The following CTLA4 variants were observed in gnomAD, a reference collection of about 807,000 sequenced individuals.
CTLA4 encodes cytotoxic T-lymphocyte protein 4.
In CTLA4, 3 loss-of-function variants were observed where a neutral mutation model predicts 20.4. The ratio of observed to expected loss-of-function variants is 0.15; its 90% CI spans 0.07 to 0.38. CTLA4 has a LOEUF of 0.38. Ranked by LOEUF, CTLA4 falls within the 10% of genes least tolerant of loss-of-function variation. The probability of loss-of-function intolerance (pLI) is 1.00; values close to 1 mark genes in which losing one functional copy is unlikely to be tolerated. For missense variants in CTLA4, 184 were observed against 276.8 expected, an observed-to-expected ratio of 0.66 and a Z score of 2.38; for synonymous variants, 100 against 105.2, an observed-to-expected ratio of 0.95 and a Z score of 0.30.
At chr2:203,871,036 G>A (rs1243177841) in intron 2 of CTLA4, 103 bp downstream of exon 2, 2 of 936,794 alleles carry the variant, frequency 2.1e-6, no homozygotes, top group East Asian at 2.6e-5. Context: ...TTTTAGGACT[G>A]TGGACATTCT....
Sources: gnomAD v4.1 joint callset for allele counts on GRCh38, gnomAD v4.1.1 for gene constraint, MANE v1.5 for transcripts, NCBI Gene and HGNC (gene_info 2026-07-23, HGNC 2026-07-21) for gene names.